EEA1: variants seen among roughly 807,000 people sequenced by gnomAD.
EEA1 encodes early endosome antigen 1, also known as early endosome antigen 1, 162kD.
In EEA1, 111 loss-of-function variants were observed where a neutral mutation model predicts 209.2. The ratio of observed to expected loss-of-function variants is 0.53; its 90% CI spans 0.45 to 0.62. EEA1 has a LOEUF of 0.62. EEA1 is among the 20% of genes least tolerant of loss of function. The pLI is 0.00. For missense variants in EEA1, 1,343 were observed against 1,530.8 expected, an observed-to-expected ratio of 0.88 and a Z score of 2.05; for synonymous variants, 536 against 540.6, an observed-to-expected ratio of 0.99 and a Z score of 0.12.
intron 1 of EEA1, among the ~76,000 whole-genome samples, chr12:92,916,970 G>A (rs1192487755): frequency 4.0e-5 from 6 of 151,538 alleles, no homozygotes; most frequent in African/African-American, 7.3e-5. Flanking sequence ...GAGCCGACGC[G>A]ATCAACTGGA....
At chr12:92,900,859 G>A (rs1880114711) in intron 1 of EEA1, among the ~76,000 whole-genome samples, 1 of 152,072 alleles carries the variant, frequency 6.6e-6, no homozygotes, top group Non-Finnish European at 1.5e-5. Context: ...AGTAGAGACA[G>A]GGTTTCACCA....
At position 92,770,974 on chromosome 12, in the gene EEA1, A is replaced by G. The variant is rs968527690; in HGVS notation, c.*5037T>C. On this transcript the variant is annotated 3_prime_UTR_variant, in exon 29 of 29. Transcript: ENST00000322349. Reference sequence around the variant, plus strand: ...TTGAAGAATGATGGTGTTTGCCATAAAAATACTTTCTGGTTTTGATTGGTG... The same window carrying G: ...TTGAAGAATGATGGTGTTTGCCATAGAAATACTTTCTGGTTTTGATTGGTG... 5.5e-5 allele frequency: 8 copies of G among 145,964 alleles called. No individual in the cohort carries two copies. Among genetic ancestry groups the G allele is most frequent in the Non-Finnish European group, 1.2e-4 (8 of 66,624 alleles). 9.0% of individuals were successfully genotyped at this position (145,964 alleles called of 1,614,324 possible). A position where few individuals can be genotyped will look rare whatever the true frequency, so the allele number is the denominator to read the frequency against.
At chr12:92,927,972 T>A (rs769420146) in intron 1 of EEA1, among the ~76,000 whole-genome samples, 6 of 152,208 alleles carry the variant, frequency 3.9e-5, no homozygotes, top group Non-Finnish European at 7.3e-5. Context: ...TCCCTTCCTA[T>A]CTACTGGATG....
rs1181286145 is a variant in EEA1, at chr12:92,816,808, T to C, written c.1729-408A>G. Among the ~76,000 whole-genome samples, 5 of 150,758 alleles carry C rather than the reference T, an allele frequency of 3.3e-5. 1 individual carries two copies. The highest frequency in any genetic ancestry group is 1.0e-4 in the African/African-American group (4 of 40,060). On this transcript the variant is annotated intron_variant, in intron 14 of 28. Coordinates refer to ENST00000322349, the MANE Select transcript of EEA1 (RefSeq NM_003566.4). ...ATCTCTAACTCCAGCCAATCACTGA[T>C]TTGGTTAAGTAATAAGTTTTCTTTA... is the stretch of plus-strand genomic sequence containing the variant.
In EEA1 at chr12:92,826,235, T is replaced by G. The variant is rs1876292469; in HGVS notation, c.1455A>C (p.Lys485Asn). 1 of 1,613,674 alleles carries G rather than the reference T, an allele frequency of 6.2e-7. No homozygotes were observed. The highest frequency in any genetic ancestry group is 8.5e-7 in the Non-Finnish European group (1 of 1,179,656). Residue 485 changes from lysine (K) to asparagine (N), a missense_variant, in exon 13 of 29, where the codon AAA becomes AAC. Physicochemically the swap from Lys to Asn is moderately conservative, Grantham distance 94 (BLOSUM62 0). This residue lies in a region of EEA1 where 1,307 missense variants were observed against 1,465.5 expected (regional missense o/e 0.89). Coordinates refer to ENST00000322349, the MANE Select transcript of EEA1 (RefSeq NM_003566.4). ...NSTELQHQLD[K>N]TKQQHQEQQA... ...GTTGTTCTTGATGCTGTTGCTTTGT[T>G]TTATCTAATTGATGCTGCAATTCTG...
intron 13 of EEA1, chr12:92,820,966 T>G (rs769255384): frequency 2.6e-5 from 4 of 152,148 alleles, no homozygotes; most frequent in Non-Finnish European, 4.4e-5. Context: ...CTCTCTCTCA[T>G]GTGAAAGCTT....
intron 1 of EEA1, among the ~76,000 whole-genome samples, chr12:92,899,132 A>T (rs1331894872): frequency 5.8e-4 from 1 of 1,714 alleles, no homozygotes; most frequent in East Asian, 0.05. Context: ...CCAAAGGCAA[A>T]AAAAAAAAAA....
intron 9 of EEA1, among the ~76,000 whole-genome samples, chr12:92,849,236 TA>T (rs1375244640): frequency 6.6e-6 from 1 of 152,188 alleles, no homozygotes; most frequent in East Asian, 1.9e-4. Context: ...GCATTTAAGA[TA>T]TTTTTTAATC....
intron 9 of EEA1, among the ~76,000 whole-genome samples, chr12:92,845,595 C>T (rs1264430862): frequency 6.6e-6 from 1 of 152,156 alleles, no homozygotes; most frequent in Non-Finnish European, 1.5e-5. Flanking sequence ...TCTTCTCACA[C>T]ATATCCTCCA....
intron 1 of EEA1, among the ~76,000 whole-genome samples, chr12:92,908,198 T>C (rs1880452118): frequency 6.6e-6 from 1 of 152,116 alleles, no homozygotes; most frequent in African/African-American, 2.4e-5. Flanking sequence ...CTAGAAATAA[T>C]TATGCTAAGT....
chr12:92,853,989 A>C, intron 5 of EEA1, 35 bp from the exon 6 acceptor site: 4 of 1,486,624 alleles, frequency 2.7e-6, no homozygotes, highest in Non-Finnish European at 3.6e-6. Context: ...CAAATGAATT[A>C]AAAGGAAAAG....
intron 11 of EEA1, among the ~76,000 whole-genome samples, chr12:92,828,823 T>C (rs926231895): frequency 6.6e-6 from 1 of 152,112 alleles, no homozygotes; most frequent in Non-Finnish European, 1.5e-5. Context: ...GTGAGACACA[T>C]CTGCTTTCGA....
intron 2 of EEA1, among the ~76,000 whole-genome samples, chr12:92,881,155 G>A (rs1397360868): frequency 6.6e-6 from 1 of 152,110 alleles, no homozygotes; most frequent in African/African-American, 2.4e-5. Flanking sequence ...TGTAATCCCA[G>A]CACTTTGGGA....
At chr12:92,839,039 C>G (rs572049032) in intron 10 of EEA1, among the ~76,000 whole-genome samples, 2 of 152,216 alleles carry the variant, frequency 1.3e-5, no homozygotes, top group South Asian at 4.2e-4. Flanking sequence ...AGTGATAAAA[C>G]TCAAGCTTTC....
At position 92,776,889 on chromosome 12, in the gene EEA1, T is replaced by G; in HGVS notation, c.4068A>C (p.Gln1356His). 1 of 1,612,030 alleles carries G rather than the reference T, an allele frequency of 6.2e-7. No individual in the cohort carries two copies. Among genetic ancestry groups the G allele is most frequent in the Non-Finnish European group, 8.5e-7 (1 of 1,178,464 alleles). Residue 1356 changes from glutamine to histidine, a missense_variant, in exon 28 of 29, where the codon CAA becomes CAC. This residue lies in a region of EEA1 where 1,307 missense variants were observed against 1,465.5 expected (regional missense o/e 0.89). Transcript: ENST00000322349. ...NRKWAEDNEV[Q>H]NCMACGKGFS... ...AGCCTTTCCCACAGGCCATACAGTTTTGTACTTCATTGTCTTCGGCCCACT... is the reference window on the plus strand; with the variant it reads ...AGCCTTTCCCACAGGCCATACAGTTGTGTACTTCATTGTCTTCGGCCCACT...
chr12:92,845,540 G>A lies in EEA1; in HGVS notation c.799-2959C>T, dbSNP rs1413286782. 2.0e-5 allele frequency among the ~76,000 whole-genome samples: 3 copies of A among 152,090 alleles called. No homozygotes were observed. The East Asian group carries it at 5.8e-4, about 29-fold the overall frequency. ...GCCTTGGACTTTAACCTTCTCCTGG[G>A]AATCCTAGCTCCCACTGCTTAACTC... On this transcript the variant is annotated intron_variant, in intron 9 of 28. Coordinates refer to ENST00000322349, the MANE Select transcript of EEA1 (RefSeq NM_003566.4).
Position 92,802,451 on chromosome 12 carries a change from C to A in EEA1, c.2623G>T (p.Glu875Ter). 1 of 1,579,100 alleles carries A rather than the reference C, an allele frequency of 6.3e-7. No homozygotes were observed. Reference protein sequence around the residue: ...VSDSLKNSKSEFEKENQKGKA... With the variant: ...VSDSLKNSKS ...CCTTTCTGATTCTCCTTTTCAAATT[C>A]ACTTTTAGAGTTTTTCAAAGAATCA... The change falls in exon 19 of 29, where the codon GAA becomes TAA. Residue 875 changes from glutamate (E) to a stop codon, truncating the protein, a stop_gained. Transcript: ENST00000322349. LOFTEE classifies it high-confidence loss of function.
chr12:92,916,648 A>G lies in EEA1; in HGVS notation c.24+12395T>C, dbSNP rs528758197. ...ATAAAACCACAAAGATGGGGAAAAA[A>G]CAGAACAGAAAAACTGGAAGCTCTA... On this transcript the variant is annotated intron_variant, in intron 1 of 28. Coordinates refer to ENST00000322349, the MANE Select transcript of EEA1 (RefSeq NM_003566.4). Among the ~76,000 whole-genome samples the G allele has an allele frequency of 9.6e-3, 1,019 of 106,688 alleles. 161 individuals are homozygous for G. Among genetic ancestry groups the G allele is most frequent in the African/African-American group, 0.042 (963 of 22,666 alleles). 70.0% of individuals were successfully genotyped at this position (106,688 alleles called of 152,430 possible). A position where few individuals can be genotyped will look rare whatever the true frequency, so the allele number is the denominator to read the frequency against.
At chr12:92,876,754 C>T (rs183753970) in intron 2 of EEA1, among the ~76,000 whole-genome samples, 210 of 148,266 alleles carry the variant, frequency 1.4e-3, no homozygotes, top group African/African-American at 4.9e-3. Flanking sequence ...ACAGAGAATT[C>T]GATATGCCCG....
Sources: allele counts gnomAD v4.1 joint callset (sites outside exome capture counted in the v4.1 genomes callset), GRCh38; gene constraint gnomAD v4.1.1; regional missense constraint gnomAD v4.1.1; transcripts MANE v1.5; gene names NCBI Gene and HGNC (gene_info 2026-07-23, HGNC 2026-07-21).